Variants in ANKS1B observed in about 807,000 individuals in gnomAD.
ANKS1B encodes the protein ankyrin repeat and sterile alpha motif domain containing 1B, also known as ankyrin repeat and sterile alpha motif domain-containing protein 1B.
ANKS1B carries 36 observed loss-of-function variants against 148.3 expected under a neutral mutation model. The observed-to-expected ratio is 0.24, with a 90% CI of 0.19 to 0.32. The LOEUF is 0.32. Among genes scored for constraint, ANKS1B ranks in the 10% least tolerant of loss-of-function variants. The pLI, the probability that ANKS1B is intolerant of heterozygous loss-of-function variation, is 1.00. For missense variants in ANKS1B, 1,157 were observed against 1,542.6 expected (o/e 0.75, Z 4.19); for synonymous variants, 542 against 560.8 (o/e 0.97, Z 0.47).
intron 1 of ANKS1B, among the ~76,000 whole-genome samples, chr12:99,904,444 A>C (rs2153776097): frequency 6.6e-6 from 1 of 152,260 alleles, no homozygotes; most frequent in East Asian, 1.9e-4. Context: ...CGCCTGCCTC[A>C]GCCTCCCACA....
chr12:98,851,453 G>A (rs928302502), intron 17 of ANKS1B, among the ~76,000 whole-genome samples: 8 of 152,140 alleles, frequency 5.3e-5, no homozygotes, highest in Admixed American at 3.3e-4. Context: ...AGTCTCAGAC[G>A]TGTGCAAGGA....
At chr12:99,202,065 A>C (rs1420273148) in intron 14 of ANKS1B, among the ~76,000 whole-genome samples, 2 of 152,228 alleles carry the variant, frequency 1.3e-5, no homozygotes, top group Non-Finnish European at 2.9e-5. Flanking sequence ...GAAGAACTCA[A>C]CAGAGTACAT....
At chr12:98,746,021 ACT>A (rs1442789688) in intron 26 of ANKS1B, among the ~76,000 whole-genome samples, 172 bp from the exon 27 acceptor site, 2 of 151,778 alleles carry the variant, frequency 1.3e-5, no homozygotes, top group African/African-American at 4.8e-5. Flanking sequence ...CCGCATACCG[ACT>A]CTCTGCAGGG....
chr12:99,210,801 C>A (rs1371867256), intron 14 of ANKS1B, among the ~76,000 whole-genome samples: 1 of 152,144 alleles, frequency 6.6e-6, no homozygotes, highest in Non-Finnish European at 1.5e-5. Flanking sequence ...GGTGCATACT[C>A]CAAACTCTTG....
chr12:99,685,304 A>T (rs570012119), intron 8 of ANKS1B, among the ~76,000 whole-genome samples: 1 of 152,298 alleles, frequency 6.6e-6, no homozygotes, highest in East Asian at 1.9e-4. Context: ...AAGAAGATAC[A>T]CAAATCACCA....
intron 11 of ANKS1B, among the ~76,000 whole-genome samples, chr12:99,425,889 A>G (rs2095243569): frequency 6.7e-6 from 1 of 148,644 alleles, no homozygotes; most frequent in African/African-American, 2.4e-5. Flanking sequence ...AGTTTTTTTG[A>G]TGCAAGGCAA....
chr12:99,648,724 A>C, intron 9 of ANKS1B: 1 of 1,614,002 alleles, frequency 6.2e-7, no homozygotes, highest in South Asian at 1.1e-5. Context: ...CAGTGATACC[A>C]GGGCTATCCT....
chr12:98,868,628 T>C (rs2099637617), intron 17 of ANKS1B, among the ~76,000 whole-genome samples: 1 of 152,220 alleles, frequency 6.6e-6, no homozygotes. Context: ...GTTGACTATC[T>C]TTTGGAATGA....
chr12:99,008,934 G>T (rs7300171), intron 17 of ANKS1B, among the ~76,000 whole-genome samples: 42,805 of 151,970 alleles, frequency 0.28, 6,825 homozygotes, highest in African/African-American at 0.44. Flanking sequence ...CTTCAGGGAA[G>T]ATGGTGGAGA....
intron 10 of ANKS1B, among the ~76,000 whole-genome samples, chr12:99,503,836 T>C (rs74437433): frequency 0.01 from 1,596 of 152,166 alleles, 30 homozygotes; most frequent in African/African-American, 0.034. Context: ...ATATTGACCA[T>C]CCACTTGAAA....
chr12:99,560,098 C>T (rs2097316992), intron 9 of ANKS1B, among the ~76,000 whole-genome samples: 1 of 151,980 alleles, frequency 6.6e-6, no homozygotes, highest in Admixed American at 6.6e-5. Flanking sequence ...CTGAGGTACA[C>T]CTGGGGTACT....
At chr12:99,586,194 C>G (rs574986012) in intron 9 of ANKS1B, among the ~76,000 whole-genome samples, 2 of 152,306 alleles carry the variant, frequency 1.3e-5, no homozygotes, top group South Asian at 2.1e-4. Flanking sequence ...TCCAAGTCAC[C>G]TCTTGAACAG....
chr12:99,337,109 C>G (rs541343738), intron 12 of ANKS1B, among the ~76,000 whole-genome samples: 2 of 152,254 alleles, frequency 1.3e-5, no homozygotes, highest in South Asian at 4.1e-4. Flanking sequence ...TTCAATCTCT[C>G]TTCATCCTCT....
At chr12:98,818,637 T>A (rs756405498) in intron 19 of ANKS1B, among the ~76,000 whole-genome samples, 1 of 152,310 alleles carries the variant, frequency 6.6e-6, no homozygotes, top group Non-Finnish European at 1.5e-5. Context: ...TAATAACTAA[T>A]TCAGAAAGGC....
chr12:99,586,439 A>G (rs180831804), intron 9 of ANKS1B, among the ~76,000 whole-genome samples: 24 of 152,284 alleles, frequency 1.6e-4, no homozygotes, highest in African/African-American at 5.5e-4. Flanking sequence ...AAGTCTCTAG[A>G]AAGTTCCAAG....
At chr12:98,782,433 C>T (rs2098746871) in intron 22 of ANKS1B, among the ~76,000 whole-genome samples, 1 of 152,140 alleles carries the variant, frequency 6.6e-6, no homozygotes, top group Non-Finnish European at 1.5e-5. Flanking sequence ...CTTTCAACAA[C>T]TAGTTGTCTT....
chr12:99,228,278 G>A (rs563510959), intron 14 of ANKS1B, among the ~76,000 whole-genome samples: 4 of 152,094 alleles, frequency 2.6e-5, no homozygotes, highest in South Asian at 4.1e-4. Context: ...ATGCAATTTT[G>A]TTTCATAAGT....
At chr12:98,885,498 AAAG>A (rs1412516024) in intron 17 of ANKS1B, among the ~76,000 whole-genome samples, 6 of 152,226 alleles carry the variant, frequency 3.9e-5, no homozygotes, top group South Asian at 2.1e-4. Context: ...ATGTGCAATG[AAAG>A]AAGAAGATCA....
intron 1 of ANKS1B, among the ~76,000 whole-genome samples, chr12:99,969,918 C>T (rs770735939): frequency 2.4e-4 from 37 of 152,116 alleles, no homozygotes; most frequent in Non-Finnish European, 4.6e-4. Context: ...AACCTTTTCA[C>T]CCATAAATAA....
Sources: gnomAD v4.1 joint callset for allele counts (sites outside exome capture counted in the v4.1 genomes callset) on GRCh38, gnomAD v4.1.1 for gene constraint, MANE v1.5 for transcripts, NCBI Gene and HGNC (gene_info 2026-07-23, HGNC 2026-07-21) for gene names.